MAGOH: variants seen among roughly 807,000 people sequenced by gnomAD.
MAGOH encodes the protein protein mago nashi homolog.
MAGOH carries 3 observed loss-of-function variants against 20.9 expected under a neutral mutation model. The observed-to-expected ratio is 0.14, with a 90% CI of 0.07 to 0.37. The LOEUF (loss-of-function observed/expected upper bound fraction) is 0.37. Among genes scored for constraint, MAGOH ranks in the 10% least tolerant of loss-of-function variants. The probability of loss-of-function intolerance (pLI) is 1.00; values close to 1 mark genes in which losing one functional copy is unlikely to be tolerated. For synonymous variants in MAGOH, 51 were observed against 61.0 expected (o/e 0.84, Z 0.76); for missense variants, 66 against 178.1 (o/e 0.37, Z 3.58).
chr1:53,237,913 C>G (rs985782091), intron 1 of MAGOH, among the ~76,000 whole-genome samples: 4 of 152,094 alleles, frequency 2.6e-5, no homozygotes, highest in Admixed American at 1.3e-4. Context: ...CAAGGCTGAG[C>G]CCTTCTTGTT....
chr1:53,234,644 G>T (rs1329297941), intron 2 of MAGOH, among the ~76,000 whole-genome samples: 1 of 152,112 alleles, frequency 6.6e-6, no homozygotes, highest in African/African-American at 2.4e-5. Flanking sequence ...AAAGTGCTGG[G>T]ATTACAGGTG....
intron 3 of MAGOH, among the ~76,000 whole-genome samples, chr1:53,230,947 T>C (rs1045316477): frequency 3.3e-5 from 5 of 152,232 alleles, no homozygotes; most frequent in Non-Finnish European, 4.4e-5. Flanking sequence ...GTAGCAAGAA[T>C]ATTCTTCTAT....
At chr1:53,233,490 G>T in intron 3 of MAGOH, 52 bp downstream of exon 3, 1 of 1,255,498 alleles carries the variant, frequency 8.0e-7, no homozygotes, top group Non-Finnish European at 1.2e-6. Context: ...AGGGAGTGTG[G>T]GGGGTCTTAT....
chr1:53,236,672 T>C (rs1008869418), intron 1 of MAGOH, among the ~76,000 whole-genome samples: 3 of 152,228 alleles, frequency 2.0e-5, no homozygotes, highest in Non-Finnish European at 4.4e-5. Flanking sequence ...TGCACCCTTC[T>C]CTGCTGCGAG....
Position 53,228,910 on chromosome 1 carries a change from T to G in MAGOH, c.303A>C (p.Thr101=), listed in dbSNP as rs1254208860. 6.2e-7 allele frequency: 1 copy of G among 1,613,540 alleles called. No individual in the cohort carries two copies. Among genetic ancestry groups the G allele is most frequent in the Non-Finnish European group, 8.5e-7 (1 of 1,179,590 alleles). ...CATCAATAAGGGAACCAATTTTTGA[T>G]GTTGTAAAAGAAATGTGTTCATCTC... ...VIGDEHISFT[T]SKIGSLIDVN... Residue 101 remains threonine, a synonymous_variant, in exon 4 of 5, where the codon ACA becomes ACC. Transcript: ENST00000371470.
At chr1:53,230,253 A>C (rs1250273772) in intron 3 of MAGOH, among the ~76,000 whole-genome samples, 1 of 152,188 alleles carries the variant, frequency 6.6e-6, no homozygotes, top group African/African-American at 2.4e-5. Context: ...AATCGAAAAA[A>C]CTGAGATGTT....
At chr1:53,230,372 T>C (rs1005153313) in intron 3 of MAGOH, among the ~76,000 whole-genome samples, 1 of 152,202 alleles carries the variant, frequency 6.6e-6, no homozygotes, top group African/African-American at 2.4e-5. Flanking sequence ...TTCTCCCTCC[T>C]GTATCCCGAT....
intron 3 of MAGOH, among the ~76,000 whole-genome samples, chr1:53,232,712 C>G (rs762779517): frequency 6.6e-6 from 1 of 152,166 alleles, no homozygotes; most frequent in Admixed American, 6.5e-5. Context: ...AGATTGGAAG[C>G]CCGGTAAAAG....
chr1:53,232,641 A>C (rs1645591600), intron 3 of MAGOH, among the ~76,000 whole-genome samples: 1 of 152,234 alleles, frequency 6.6e-6, no homozygotes, highest in African/African-American at 2.4e-5. Context: ...CCCTGAAGTA[A>C]GAACCACCTA....
intron 3 of MAGOH, among the ~76,000 whole-genome samples, chr1:53,232,942 A>G (rs1189453500): frequency 1.3e-5 from 2 of 152,168 alleles, no homozygotes; most frequent in East Asian, 3.8e-4. Context: ...CTCTACTACA[A>G]ATACAAAAAT....
At chr1:53,231,993 A>G (rs1441946493) in intron 3 of MAGOH, among the ~76,000 whole-genome samples, 1 of 152,198 alleles carries the variant, frequency 6.6e-6, no homozygotes, top group African/African-American at 2.4e-5. Context: ...CTCTTCTTGC[A>G]ATTATTAATG....
At chr1:53,232,327 G>A (rs1019243557) in intron 3 of MAGOH, among the ~76,000 whole-genome samples, 2 of 151,994 alleles carry the variant, frequency 1.3e-5, no homozygotes, top group Admixed American at 1.3e-4. Context: ...CTATACATGG[G>A]TACTATTTTA....
At position 53,227,016 on chromosome 1, in the gene MAGOH, C is replaced by G; in HGVS notation, c.*29G>C. 9.7e-7 allele frequency: 1 copy of G among 1,027,816 alleles called. No individual in the cohort carries two copies. Among genetic ancestry groups the G allele is most frequent in the Non-Finnish European group, 1.4e-6 (1 of 692,044 alleles). The allele number at this position is 1,027,816 out of a possible 1,614,324, so 63.7% of individuals were successfully genotyped here. ...ATACACAAAATTTTCTACTCCCACC[C>G]ACCCCCCATGTCCACACCAATATTC... On this transcript the variant is annotated 3_prime_UTR_variant, in exon 5 of 5. Coordinates refer to ENST00000371470, the MANE Select transcript of MAGOH (RefSeq NM_002370.4).
chr1:53,230,737 C>T (rs1645582293), intron 3 of MAGOH, among the ~76,000 whole-genome samples: 1 of 152,058 alleles, frequency 6.6e-6, no homozygotes, highest in African/African-American at 2.4e-5. Context: ...CTGCACCTGG[C>T]CTAGACGTGG....
chr1:53,237,150 T>C (rs1301090605), intron 1 of MAGOH, among the ~76,000 whole-genome samples: 1 of 150,112 alleles, frequency 6.7e-6, no homozygotes, highest in African/African-American at 2.5e-5. Context: ...GGTTTCACCA[T>C]GTTGGCCAGG....
intron 1 of MAGOH, among the ~76,000 whole-genome samples, chr1:53,237,681 A>AAAAAAAAAAAAAG: frequency 6.7e-6 from 1 of 149,958 alleles, no homozygotes; most frequent in African/African-American, 2.4e-5. Flanking sequence ...CTCAAAAAAA[A>AAAAAAAAAAAAAG]AAAAAAAAAA....
intron 1 of MAGOH, among the ~76,000 whole-genome samples, chr1:53,237,953 A>C (rs373050294): frequency 1.3e-5 from 2 of 152,230 alleles, no homozygotes; most frequent in South Asian, 2.1e-4. Flanking sequence ...TATACCCTTT[A>C]CAGAGAGCTC....
intron 4 of MAGOH, among the ~76,000 whole-genome samples, chr1:53,228,629 T>C (rs1645571983): frequency 6.6e-6 from 1 of 152,152 alleles, no homozygotes; most frequent in Non-Finnish European, 1.5e-5. Context: ...CTCCTATGCA[T>C]TAATCTATAT....
intron 4 of MAGOH, among the ~76,000 whole-genome samples, chr1:53,228,106 C>G (rs1368779277): frequency 6.6e-6 from 1 of 152,074 alleles, no homozygotes; most frequent in Non-Finnish European, 1.5e-5. Flanking sequence ...AATCTTGATC[C>G]CTTTTCACCA....
Sources: gnomAD v4.1 joint callset for allele counts (sites outside exome capture counted in the v4.1 genomes callset) on GRCh38, gnomAD v4.1.1 for gene constraint, MANE v1.5 for transcripts, NCBI Gene and HGNC (gene_info 2026-07-23, HGNC 2026-07-21) for gene names.